NFASC: variants seen among roughly 807,000 people sequenced by gnomAD.
NFASC encodes neurofascin homolog.
NFASC carries 43 observed loss-of-function variants against 147.5 expected under a neutral mutation model. That is an observed-to-expected ratio of 0.29 (90% CI 0.23 to 0.38). The LOEUF (loss-of-function observed/expected upper bound fraction) is 0.38, where lower values mean the gene tolerates loss of function less well. Ranked by LOEUF, NFASC falls within the 10% of genes least tolerant of loss-of-function variation. NFASC has a pLI of 1.00. For synonymous variants in NFASC, 622 were observed against 665.5 expected, an observed-to-expected ratio of 0.93 and a Z score of 1.01; for missense variants, 1,320 against 1,689.0, an observed-to-expected ratio of 0.78 and a Z score of 3.83.
chr1:204,843,754 T>C (rs1019604616), intron 1 of NFASC, among the ~76,000 whole-genome samples: 4 of 151,858 alleles, frequency 2.6e-5, no homozygotes, highest in African/African-American at 9.7e-5. Flanking sequence ...TTGTCCAGGC[T>C]GAAGTGCAAA....
chr1:204,900,243 C>T lies in NFASC; in HGVS notation c.-199-20389C>T, dbSNP rs539123257. 2.6e-5 allele frequency among the ~76,000 whole-genome samples: 4 copies of T among 152,272 alleles called. No individual in the cohort carries two copies. The East Asian group carries it at 5.8e-4, about 22-fold the overall frequency. Reference sequence around the variant, plus strand: ...CAGTTAATTCATGGTCAATACTGTGCTTGGGCTGAGGGGGATAAAGGATAA... The same window carrying T: ...CAGTTAATTCATGGTCAATACTGTGTTTGGGCTGAGGGGGATAAAGGATAA... On this transcript the variant is annotated intron_variant, in intron 1 of 29. Transcript: ENST00000339876.
chr1:205,003,732 T>G (rs1358241557), intron 27 of NFASC, among the ~76,000 whole-genome samples: 1 of 152,212 alleles, frequency 6.6e-6, no homozygotes, highest in African/African-American at 2.4e-5. Context: ...AACTTCTGAA[T>G]GTTGACTTAA....
intron 11 of NFASC, among the ~76,000 whole-genome samples, chr1:204,972,409 A>G (rs930831328): frequency 6.6e-6 from 1 of 150,494 alleles, no homozygotes; most frequent in African/African-American, 2.4e-5. Context: ...CCTTTCTTAG[A>G]GTAGGGGAAA....
chr1:204,979,110 C>A lies in NFASC; in HGVS notation c.1978+41C>A, dbSNP rs55858215. 1.4e-6 allele frequency: 2 copies of A among 1,478,054 alleles called. No individual in the cohort carries two copies. The highest frequency in any genetic ancestry group is 1.8e-6 in the Non-Finnish European group (2 of 1,082,646). The allele number at this position is 1,478,054 out of a possible 1,614,324, so 91.6% of individuals were successfully genotyped here. A position where few individuals can be genotyped will look rare whatever the true frequency, so the allele number is the denominator to read the frequency against. Reference sequence around the variant, plus strand: ...GCACCCCAAAGCTGGAAAAGAGGGACGGCAACACCCTTAAACCGAAGGCCT... The same window carrying A: ...GCACCCCAAAGCTGGAAAAGAGGGAAGGCAACACCCTTAAACCGAAGGCCT... On this transcript the variant is annotated intron_variant, in intron 18 of 29. Transcript: ENST00000339876. This position sits in a 1 kb window ranked among gnomAD's most constrained non-coding sequence, Gnocchi z 6.0.
chr1:204,991,320 C>A lies in NFASC; in HGVS notation c.2782+14C>A. ...CTCCAACCGCAGGTACCGTACCAGCCGCGGAGGTAATGGGCATGGCATGGG... is the reference window on the plus strand; with the variant it reads ...CTCCAACCGCAGGTACCGTACCAGCAGCGGAGGTAATGGGCATGGCATGGG... On this transcript the variant is annotated intron_variant, in intron 24 of 29. Coordinates refer to ENST00000339876, the MANE Select transcript of NFASC (RefSeq NM_001005388.3). 6.2e-7 allele frequency: 1 copy of A among 1,611,742 alleles called. No homozygotes were observed. The highest frequency in any genetic ancestry group is 8.5e-7 in the Non-Finnish European group (1 of 1,178,874).
intron 5 of NFASC, among the ~76,000 whole-genome samples, chr1:204,953,863 A>G (rs12143298): frequency 0.31 from 47,497 of 152,114 alleles, 9,588 homozygotes; most frequent in Non-Finnish European, 0.45. Context: ...TCTCTCCTCA[A>G]TAACGTGTTT....
At chr1:204,910,010 G>A (rs1187630384) in intron 1 of NFASC, among the ~76,000 whole-genome samples, 1 of 151,536 alleles carries the variant, frequency 6.6e-6, no homozygotes, top group African/African-American at 2.4e-5. Context: ...CTTTAAATTG[G>A]GTAGACTGAT....
intron 16 of NFASC, chr1:204,977,199 C>T: frequency 1.2e-6 from 1 of 839,090 alleles, no homozygotes; most frequent in Non-Finnish European, 1.5e-6. Context: ...TCCTTTCCCT[C>T]CCGCTCCATC....
intron 1 of NFASC, among the ~76,000 whole-genome samples, chr1:204,873,843 G>A (rs572098168): frequency 3.0e-4 from 46 of 152,292 alleles, no homozygotes; most frequent in Non-Finnish European, 5.7e-4. Context: ...TCAGGAGAAT[G>A]TTCTGGGGGT....
intron 1 of NFASC, among the ~76,000 whole-genome samples, chr1:204,851,191 T>C (rs778785729): frequency 1.3e-5 from 2 of 152,220 alleles, no homozygotes; most frequent in South Asian, 2.1e-4. Flanking sequence ...ACCAAGTGTA[T>C]GAATTTCCAA....
intron 1 of NFASC, among the ~76,000 whole-genome samples, chr1:204,863,179 G>A (rs77830207): frequency 0.021 from 3,177 of 152,296 alleles, 94 homozygotes; most frequent in African/African-American, 0.069. Flanking sequence ...GTGGATGACA[G>A]GGTCAGCGGA....
Position 204,980,536 on chromosome 1 carries a change from G to A in NFASC, c.2247+96G>A, listed in dbSNP as rs920395040. 4 of 932,706 alleles carry A rather than the reference G, an allele frequency of 4.3e-6. No individual in the cohort carries two copies. The Admixed American group carries it at 6.4e-5, about 15-fold the overall frequency. 57.8% of individuals were successfully genotyped at this position (932,706 alleles called of 1,614,324 possible). A position where few individuals can be genotyped will look rare whatever the true frequency, so the allele number is the denominator to read the frequency against. ...TGCCCCGACACTACGAGGCCATGATGTGGTTCAGACTCTCTGGCTGGTCTT... is the reference window on the plus strand; with the variant it reads ...TGCCCCGACACTACGAGGCCATGATATGGTTCAGACTCTCTGGCTGGTCTT... On this transcript the variant is annotated intron_variant, in intron 20 of 29. Coordinates refer to ENST00000339876, the MANE Select transcript of NFASC (RefSeq NM_001005388.3).
intron 27 of NFASC, among the ~76,000 whole-genome samples, chr1:205,005,693 T>C (rs1347074055): frequency 1.3e-5 from 2 of 152,270 alleles, no homozygotes; most frequent in Admixed American, 6.5e-5. Flanking sequence ...GTGATCATTA[T>C]GTCCTAAATT....
intron 10 of NFASC, 88 bp downstream of exon 10, chr1:204,969,070 G>A (rs1177673790): frequency 4.1e-6 from 5 of 1,234,028 alleles, no homozygotes; most frequent in East Asian, 2.5e-5. Context: ...TGGGGGCAGA[G>A]TGAGTCGGAG....
In NFASC at chr1:205,010,162, A is replaced by C. The variant is rs895848149; in HGVS notation, c.3421+474A>C. 5.8e-6 allele frequency: 1 copy of C among 171,510 alleles called. No individual in the cohort carries two copies. The highest frequency in any genetic ancestry group is 2.4e-5 in the African/African-American group (1 of 42,252). 10.6% of individuals were successfully genotyped at this position (171,510 alleles called of 1,614,324 possible). ...AGAGGTGGGCGCTCAGCAGGACAAC[A>C]GTGTAACTGCCAATACCACTAGCAA... On this transcript the variant is annotated intron_variant, in intron 28 of 29. Transcript: ENST00000339876. The surrounding 1 kb of genome is among the most constrained non-coding windows in gnomAD (Gnocchi z 4.1).
intron 21 of NFASC, chr1:204,985,833 C>T (rs568467143): frequency 3.3e-4 from 299 of 892,670 alleles, no homozygotes; most frequent in Middle Eastern, 6.5e-4. Context: ...AAGGAAAGAC[C>T]GGTCACTACC....
chr1:204,870,295 T>C (rs1235188171), intron 1 of NFASC, among the ~76,000 whole-genome samples: 1 of 152,106 alleles, frequency 6.6e-6, no homozygotes, highest in Non-Finnish European at 1.5e-5. Flanking sequence ...CGAGCAGAAG[T>C]GGACCAGGGG....
intron 1 of NFASC, among the ~76,000 whole-genome samples, chr1:204,896,190 A>T (rs2083358352): frequency 6.6e-6 from 1 of 152,146 alleles, no homozygotes; most frequent in South Asian, 2.1e-4. Context: ...AGCTGCCGCA[A>T]AATCAGTGGG....
At chr1:204,830,303 G>T (rs918065412) in intron 1 of NFASC, among the ~76,000 whole-genome samples, 4 of 152,168 alleles carry the variant, frequency 2.6e-5, no homozygotes, top group African/African-American at 7.2e-5. Flanking sequence ...AGCAATAGGA[G>T]AATAGCCCAG....
Sources: allele counts gnomAD v4.1 joint callset (sites outside exome capture counted in the v4.1 genomes callset), GRCh38; gene constraint gnomAD v4.1.1; non-coding constraint Gnocchi (gnomAD v3.1); transcripts MANE v1.5; gene names NCBI Gene and HGNC (gene_info 2026-07-23, HGNC 2026-07-21).